ZNF814: variants seen among roughly 807,000 people sequenced by gnomAD.
The protein encoded by ZNF814 is zinc finger protein 814.
A neutral mutation model predicts 7.5 loss-of-function variants in ZNF814; 5 were observed. That is an observed-to-expected ratio of 0.67 (90% CI 0.35 to 1.40). ZNF814 has a LOEUF of 1.40. ZNF814 is among the 40% of genes most tolerant of loss of function. The pLI is 0.04. For missense variants in ZNF814, 962 were observed against 1,018.0 expected, an observed-to-expected ratio of 0.94 and a Z score of 0.75; for synonymous variants, 315 against 340.7, an observed-to-expected ratio of 0.92 and a Z score of 0.83.
intron 1 of ZNF814, among the ~76,000 whole-genome samples, chr19:57,883,400 T>C (rs1244205041): frequency 2.2e-5 from 3 of 138,116 alleles, no homozygotes; most frequent in South Asian, 2.4e-4. Flanking sequence ...TGATGGCTCA[T>C]GCCTGTAATC....
At chr19:57,878,401 A>G (rs1170687283) in intron 1 of ZNF814, among the ~76,000 whole-genome samples, 2 of 151,892 alleles carry the variant, frequency 1.3e-5, no homozygotes, top group South Asian at 2.1e-4. Flanking sequence ...ACTACAAACT[A>G]TAACAGGAAC....
At chr19:57,883,490 G>A (rs1007757489) in intron 1 of ZNF814, among the ~76,000 whole-genome samples, 1 of 151,284 alleles carries the variant, frequency 6.6e-6, no homozygotes, top group African/African-American at 2.4e-5. Context: ...GTGGAACCCC[G>A]TTTCTACTAA....
upstream of ZNF814, among the ~76,000 whole-genome samples, chr19:57,890,273 A>G (rs1568523073): frequency 6.9e-6 from 1 of 144,262 alleles, no homozygotes; most frequent in East Asian, 2.2e-4. Context: ...TTGGATGAAC[A>G]GCATACTGGA....
In ZNF814 at chr19:57,871,226, G is replaced by C. The variant is rs1406247629; in HGVS notation, c.*1596C>G. The C allele has an allele frequency of 6.6e-6, 1 of 151,852 alleles. No individual in the cohort carries two copies. The highest frequency in any genetic ancestry group is 2.4e-5 in the African/African-American group (1 of 41,188). The allele number at this position is 151,852 out of a possible 1,614,324, so 9.4% of individuals were successfully genotyped here. A position where few individuals can be genotyped will look rare whatever the true frequency, so the allele number is the denominator to read the frequency against. ...ATACCTCGTAAAAGAATTTTGTCTT[G>C]TTCAAAAAATGCCAGAAATTGTCAC... is the stretch of plus-strand genomic sequence containing the variant. On this transcript the variant is annotated 3_prime_UTR_variant, in exon 3 of 3. Coordinates refer to ENST00000435989, the MANE Select transcript of ZNF814 (RefSeq NM_001144989.2).
rs1207446605 is a variant in ZNF814 at position 57,870,772 on chromosome 19, G to A, written c.*2050C>T. The A allele has an allele frequency of 6.6e-6, 1 of 152,192 alleles. No homozygotes were observed. Among genetic ancestry groups the A allele is most frequent in the Non-Finnish European group, 1.5e-5 (1 of 68,064 alleles). The allele number at this position is 152,192 out of a possible 1,614,324, so 9.4% of individuals were successfully genotyped here. ...TGAGGCCAGCAGATCACAAGGTCAGGAGTTCGAGACCAGCCTGGCCAACAT... is the reference window on the plus strand; with the variant it reads ...TGAGGCCAGCAGATCACAAGGTCAGAAGTTCGAGACCAGCCTGGCCAACAT... On this transcript the variant is annotated 3_prime_UTR_variant, in exon 3 of 3. Transcript: ENST00000435989.
At chr19:57,878,298 G>A (rs1264274567) in intron 1 of ZNF814, among the ~76,000 whole-genome samples, 6 of 151,890 alleles carry the variant, frequency 4.0e-5, no homozygotes, top group Admixed American at 3.9e-4. Flanking sequence ...TGCAAGCTTT[G>A]TAAGATGAAG....
chr19:57,899,710 C>T, the ZNF814 span, among the ~76,000 whole-genome samples: 1 of 152,306 alleles, frequency 6.6e-6, no homozygotes, highest in East Asian at 1.9e-4. Flanking sequence ...TAACCCTATG[C>T]AGCCATTACA....
At chr19:57,901,820 T>C in the ZNF814 span, 2 of 398,094 alleles carry the variant, frequency 5.0e-6, no homozygotes, top group Admixed American at 4.4e-5. Flanking sequence ...CAACTCAAAA[T>C]TTTACTTATT....
At chr19:57,892,398 T>G (rs995325189), upstream of ZNF814, among the ~76,000 whole-genome samples, 1 of 152,158 alleles carries the variant, frequency 6.6e-6, no homozygotes, top group African/African-American at 2.4e-5. Flanking sequence ...GGTTAAAGGC[T>G]CCTCTCAATA....
At chr19:57,883,592 C>A (rs1455521987) in intron 1 of ZNF814, among the ~76,000 whole-genome samples, 8 of 149,174 alleles carry the variant, frequency 5.4e-5, no homozygotes, top group Admixed American at 2.7e-4. Context: ...ACCTGGGAGG[C>A]GGAGGCTGCA....
At chr19:57,892,032 G>A (rs535723728), upstream of ZNF814, among the ~76,000 whole-genome samples, 11 of 152,296 alleles carry the variant, frequency 7.2e-5, no homozygotes, top group Non-Finnish European at 1.0e-4. Context: ...GATTACAGGC[G>A]TGAGCCACTG....
chr19:57,888,828 C>G lies in ZNF814; in HGVS notation c.-26G>C. 1 of 1,551,576 alleles carries G rather than the reference C, an allele frequency of 6.4e-7. No homozygotes were observed. Among genetic ancestry groups the G allele is most frequent in the Non-Finnish European group, 8.7e-7 (1 of 1,146,986 alleles). Reference sequence around the variant, plus strand: ...CGAACCACGTGGTTTTAAGCAGAGTCGGGAGGATAGGGCGACCAGCCAGGA... The same window carrying G: ...CGAACCACGTGGTTTTAAGCAGAGTGGGGAGGATAGGGCGACCAGCCAGGA... On this transcript the variant is annotated 5_prime_UTR_variant, in exon 1 of 3. Coordinates refer to ENST00000435989, the MANE Select transcript of ZNF814 (RefSeq NM_001144989.2).
intron 1 of ZNF814, among the ~76,000 whole-genome samples, chr19:57,888,360 C>A (rs2071710249): frequency 6.6e-6 from 1 of 152,158 alleles, no homozygotes; most frequent in African/African-American, 2.4e-5. Context: ...TGCAAAGACA[C>A]AAACATGCAT....
At chr19:57,898,624 T>C in the ZNF814 span, among the ~76,000 whole-genome samples, 22 of 152,170 alleles carry the variant, frequency 1.4e-4, no homozygotes, top group Non-Finnish European at 7.4e-5. Context: ...CTACTTTCTC[T>C]CCTTGGAATT....
At position 57,874,191 on chromosome 19, in the gene ZNF814, C is replaced by T; in HGVS notation, c.1199G>A (p.Arg400Lys). 4 of 1,580,290 alleles carry T rather than the reference C, an allele frequency of 2.5e-6. No individual in the cohort carries two copies. Among genetic ancestry groups the T allele is most frequent in the Non-Finnish European group, 3.4e-6 (4 of 1,163,022 alleles). Residue 400 changes from arginine (R) to lysine (K), a missense_variant, in exon 3 of 3, where the codon AGA becomes AAA. By Grantham distance (26) the Arg-to-Lys change is conservative. Around this residue, in one of 7 missense-constraint regions of ZNF814, gnomAD observed 665 missense variants for 551.4 expected, o/e 1.21. Coordinates refer to ENST00000435989, the MANE Select transcript of ZNF814 (RefSeq NM_001144989.2). Reference protein sequence around the residue: ...SKYASFSNHQRVHTDKKHYEC... With the variant: ...SKYASFSNHQKVHTDKKHYEC... ...ATAATGTTTTTTGTCAGTGTGAACT[C>T]TCTGATGATTACTGAAGCTAGCATA...
At chr19:57,887,062 G>A (rs192329996) in intron 1 of ZNF814, among the ~76,000 whole-genome samples, 5 of 151,334 alleles carry the variant, frequency 3.3e-5, no homozygotes, top group East Asian at 2.0e-4. Flanking sequence ...GGTGGCGCAT[G>A]CCTGTAATCC....
the ZNF814 span, among the ~76,000 whole-genome samples, chr19:57,901,109 T>C: frequency 1.1e-4 from 17 of 151,702 alleles, no homozygotes; most frequent in Admixed American, 2.0e-4. Flanking sequence ...GTGCTGGGAT[T>C]ACAGGCGTGA....
upstream of ZNF814, among the ~76,000 whole-genome samples, chr19:57,891,057 C>A (rs544216704): frequency 2.0e-5 from 3 of 152,240 alleles, no homozygotes; most frequent in South Asian, 6.2e-4. Flanking sequence ...AGTAAAGAAG[C>A]CGGCTAAAAC....
rs1363428174 is a variant in ZNF814, at chr19:57,874,004, T to A, written c.1386A>T (p.Arg462Ser). 14 of 1,613,830 alleles carry A rather than the reference T, an allele frequency of 8.7e-6. No homozygotes were observed. Among genetic ancestry groups the A allele is most frequent in the Non-Finnish European group, 1.0e-5 (12 of 1,179,938 alleles). The change falls in exon 3 of 3, where the codon AGA (arginine) becomes AGT (serine). Residue 462 changes from arginine (R) to serine (S), a missense_variant. By Grantham distance (110) the Arg-to-Ser change is moderately radical (BLOSUM62 -1). Coordinates refer to ENST00000435989, the MANE Select transcript of ZNF814 (RefSeq NM_001144989.2). ...TCACACATTCTCCACACTTGAAAGG[T>A]CTTTCTCCGGCGTGAACTCGTTGAT... ...RSHQRVHAGE[R>S]PFKCGECVKS...
Sources: allele counts gnomAD v4.1 joint callset (sites outside exome capture counted in the v4.1 genomes callset), GRCh38; gene constraint gnomAD v4.1.1; regional missense constraint gnomAD v4.1.1; transcripts MANE v1.5; gene names NCBI Gene and HGNC (gene_info 2026-07-23, HGNC 2026-07-21).